Variants in PTPRD observed in about 807,000 individuals in gnomAD.
The protein encoded by PTPRD is receptor-type tyrosine-protein phosphatase delta.
Under a neutral mutation model 214.5 loss-of-function variants are expected in PTPRD, and 34 were observed. The observed-to-expected ratio is 0.16, with a 90% CI of 0.12 to 0.21. PTPRD has a LOEUF of 0.21. PTPRD is among the 10% of genes least tolerant of loss of function. PTPRD has a pLI of 1.00. For missense variants in PTPRD, 2,545 were observed against 2,398.7 expected (o/e 1.06, Z -1.27); for synonymous variants, 1,128 against 845.7 (o/e 1.33, Z -5.79).
chr9:9,392,949 G>C (rs2140985941), intron 9 of PTPRD, among the ~76,000 whole-genome samples: 1 of 152,272 alleles, frequency 6.6e-6, no homozygotes, highest in East Asian at 1.9e-4. Context: ...CTGGGAGAAT[G>C]GGGTGGAGCC....
intron 10 of PTPRD, among the ~76,000 whole-genome samples, chr9:9,020,655 T>C (rs2154369509): frequency 6.6e-6 from 1 of 152,288 alleles, no homozygotes; most frequent in East Asian, 1.9e-4. Context: ...TTTGTACATA[T>C]TATATTTGAA....
At chr9:9,228,404 T>G (rs1268071377) in intron 9 of PTPRD, among the ~76,000 whole-genome samples, 1 of 152,130 alleles carries the variant, frequency 6.6e-6, no homozygotes, top group Non-Finnish European at 1.5e-5. Flanking sequence ...TGCACACATA[T>G]GTGCATGTGT....
intron 11 of PTPRD, among the ~76,000 whole-genome samples, chr9:8,871,689 T>C (rs756698402): frequency 6.6e-6 from 1 of 152,126 alleles, no homozygotes; most frequent in Non-Finnish European, 1.5e-5. Context: ...AAGGCCATGA[T>C]AAGAGTGAAA....
At chr9:10,031,532 T>A (rs971894755) in intron 4 of PTPRD, among the ~76,000 whole-genome samples, 5 of 150,676 alleles carry the variant, frequency 3.3e-5, no homozygotes, top group African/African-American at 1.2e-4. Flanking sequence ...TCTTCAGTTG[T>A]GAGACTCGGA....
intron 3 of PTPRD, among the ~76,000 whole-genome samples, chr9:10,292,660 T>C (rs2095560890): frequency 1.3e-5 from 2 of 151,944 alleles, no homozygotes; most frequent in African/African-American, 4.8e-5. Flanking sequence ...TCAAATGAAA[T>C]ATGTCAAAAA....
At chr9:9,598,936 C>T (rs1379847778) in intron 7 of PTPRD, among the ~76,000 whole-genome samples, 2 of 152,092 alleles carry the variant, frequency 1.3e-5, no homozygotes, top group African/African-American at 4.8e-5. Flanking sequence ...TTTAGCTCAT[C>T]ATCACAGTTC....
intron 7 of PTPRD, among the ~76,000 whole-genome samples, chr9:9,578,766 C>A (rs900196086): frequency 1.3e-5 from 2 of 151,862 alleles, no homozygotes; most frequent in African/African-American, 4.8e-5. Flanking sequence ...CCAACAATTG[C>A]CTGAATAAAC....
chr9:8,877,537 T>C (rs906976201), intron 11 of PTPRD, among the ~76,000 whole-genome samples: 57 of 152,324 alleles, frequency 3.7e-4, no homozygotes, highest in African/African-American at 1.4e-3. Context: ...GCATATTATC[T>C]TTTTGTTATT....
Position 9,660,925 on chromosome 9 carries a change from T to C in PTPRD, c.-287+73608A>G, listed in dbSNP as rs542045868. ...TCATGACTTTGTCATTGTGTCACGT[T>C]TCAGCAGTGACTTTCAATAACCAGA... On this transcript the variant is annotated intron_variant, in intron 7 of 45. Coordinates refer to ENST00000381196, the MANE Select transcript of PTPRD (RefSeq NM_002839.4). Among the ~76,000 whole-genome samples the C allele has an allele frequency of 3.2e-4, 48 of 152,090 alleles. No individual in the cohort carries two copies. In the East Asian group the frequency reaches 9.1e-3, roughly 29 times the overall value.
intron 12 of PTPRD, among the ~76,000 whole-genome samples, chr9:8,658,394 A>G (rs1422595162): frequency 6.6e-6 from 1 of 152,204 alleles, no homozygotes; most frequent in Non-Finnish European, 1.5e-5. Context: ...ATTGTGTCCT[A>G]TTAAATTGTT....
chr9:9,065,937 T>C (rs968789025), intron 10 of PTPRD, among the ~76,000 whole-genome samples: 1 of 152,126 alleles, frequency 6.6e-6, no homozygotes. Flanking sequence ...TGGTAAAAAT[T>C]ATACAAGAAT....
intron 4 of PTPRD, among the ~76,000 whole-genome samples, chr9:9,966,401 T>C (rs2094702651): frequency 6.6e-6 from 1 of 152,152 alleles, no homozygotes; most frequent in Non-Finnish European, 1.5e-5. Flanking sequence ...ACTAAAACTG[T>C]TTCTAAGGTA....
intron 7 of PTPRD, among the ~76,000 whole-genome samples, chr9:9,667,671 T>G (rs893663319): frequency 5.9e-5 from 9 of 152,134 alleles, no homozygotes; most frequent in African/African-American, 2.2e-4. Context: ...TCATCCAGTT[T>G]GGATTAGCTG....
At chr9:9,798,573 G>T (rs2153499453) in intron 5 of PTPRD, among the ~76,000 whole-genome samples, 1 of 152,294 alleles carries the variant, frequency 6.6e-6, no homozygotes, top group African/African-American at 2.4e-5. Context: ...GAAGGTCAGA[G>T]AATGACCTTT....
intron 11 of PTPRD, among the ~76,000 whole-genome samples, chr9:8,869,832 C>T (rs1387239259): frequency 6.6e-6 from 1 of 151,904 alleles, no homozygotes; most frequent in Non-Finnish European, 1.5e-5. Context: ...GTCAGTTGTC[C>T]CTGCTCTGAA....
intron 21 of PTPRD, among the ~76,000 whole-genome samples, chr9:8,510,809 A>T (rs2097662880): frequency 6.6e-6 from 1 of 152,124 alleles, no homozygotes; most frequent in Non-Finnish European, 1.5e-5. Context: ...GAATTTTTTT[A>T]AATAAGGTAT....
At chr9:9,909,851 AT>A (rs1253177741) in intron 5 of PTPRD, among the ~76,000 whole-genome samples, 4 of 151,740 alleles carry the variant, frequency 2.6e-5, no homozygotes, top group East Asian at 1.9e-4. Context: ...AAGTTCAATT[AT>A]TTTTTCCCTA....
At chr9:10,389,157 G>T (rs981886284) in intron 2 of PTPRD, among the ~76,000 whole-genome samples, 2 of 151,758 alleles carry the variant, frequency 1.3e-5, no homozygotes, top group Admixed American at 6.6e-5. Context: ...GCTGTTATGT[G>T]TACATAGAGG....
At chr9:8,856,611 G>A (rs561607642) in intron 11 of PTPRD, among the ~76,000 whole-genome samples, 1 of 152,128 alleles carries the variant, frequency 6.6e-6, no homozygotes, top group Non-Finnish European at 1.5e-5. Flanking sequence ...GATACTTAAG[G>A]TGCAAACTGT....
Sources: gnomAD v4.1 joint callset for allele counts (sites outside exome capture counted in the v4.1 genomes callset) on GRCh38, gnomAD v4.1.1 for gene constraint, MANE v1.5 for transcripts, NCBI Gene and HGNC (gene_info 2026-07-23, HGNC 2026-07-21) for gene names.